The following GPC6 variants were observed in gnomAD, a reference collection of about 807,000 sequenced individuals.
GPC6 encodes the protein glypican-6.
In GPC6, 14 loss-of-function variants were observed where a neutral mutation model predicts 55.2. The ratio of observed to expected loss-of-function variants is 0.25; its 90% CI spans 0.17 to 0.40. GPC6 has a LOEUF of 0.40. GPC6 is among the 10% of genes least tolerant of loss of function. The pLI is 1.00. For synonymous variants in GPC6, 278 were observed against 259.6 expected, an observed-to-expected ratio of 1.07 and a Z score of -0.68; for missense variants, 641 against 708.5, an observed-to-expected ratio of 0.90 and a Z score of 1.08.
At chr13:93,444,644 G>C (rs181501671) in intron 1 of GPC6, among the ~76,000 whole-genome samples, 14 of 152,222 alleles carry the variant, frequency 9.2e-5, no homozygotes, top group Admixed American at 6.5e-4. Context: ...AACATGCCAT[G>C]CATGTAAAGC....
intron 1 of GPC6, among the ~76,000 whole-genome samples, chr13:93,359,121 C>A (rs187627391): frequency 4.5e-4 from 69 of 151,920 alleles, no homozygotes; most frequent in African/African-American, 1.6e-3. Flanking sequence ...TGCGTGCCAC[C>A]ATGCTAGGCT....
At chr13:93,894,348 A>G (rs1875867994) in intron 3 of GPC6, among the ~76,000 whole-genome samples, 1 of 152,196 alleles carries the variant, frequency 6.6e-6, no homozygotes, top group Admixed American at 6.6e-5. Flanking sequence ...ATTAAGGTGT[A>G]TATGGCCTTC....
chr13:94,363,426 A>C (rs1024942271), intron 6 of GPC6, among the ~76,000 whole-genome samples: 1 of 152,204 alleles, frequency 6.6e-6, no homozygotes, highest in Non-Finnish European at 1.5e-5. Flanking sequence ...TTCCTGCTGT[A>C]CTTCGGACAG....
chr13:93,894,631 G>A (rs1460701576), intron 3 of GPC6, among the ~76,000 whole-genome samples: 1 of 152,008 alleles, frequency 6.6e-6, no homozygotes, highest in Admixed American at 6.6e-5. Context: ...AAGTTTGTTT[G>A]GCCATTGACT....
intron 1 of GPC6, among the ~76,000 whole-genome samples, chr13:93,455,645 A>G (rs903780568): frequency 6.6e-6 from 1 of 152,174 alleles, no homozygotes; most frequent in African/African-American, 2.4e-5. Context: ...CATTATCTAA[A>G]AAGCCATGGG....
intron 1 of GPC6, among the ~76,000 whole-genome samples, chr13:93,419,531 A>C (rs1467098768): frequency 1.3e-5 from 2 of 152,100 alleles, no homozygotes; most frequent in African/African-American, 4.8e-5. Flanking sequence ...AAGTGCTTGG[A>C]ATATTATTTG....
intron 4 of GPC6, among the ~76,000 whole-genome samples, chr13:94,049,475 T>C (rs1883858291): frequency 6.6e-6 from 1 of 152,004 alleles, no homozygotes; most frequent in African/African-American, 2.4e-5. Context: ...GTTGAGCAAA[T>C]AAGACTGTGA....
intron 4 of GPC6, among the ~76,000 whole-genome samples, chr13:94,153,309 A>G (rs977549198): frequency 1.3e-5 from 2 of 152,136 alleles, no homozygotes; most frequent in African/African-American, 4.8e-5. Flanking sequence ...CAAAATAAAG[A>G]TCATCACTGT....
At chr13:93,988,234 T>C (rs1399740422) in intron 3 of GPC6, among the ~76,000 whole-genome samples, 1 of 152,096 alleles carries the variant, frequency 6.6e-6, no homozygotes, top group African/African-American at 2.4e-5. Flanking sequence ...AGACTTACAT[T>C]TGGAAAGTTT....
chr13:93,675,648 T>C (rs1594362569), intron 2 of GPC6, among the ~76,000 whole-genome samples: 1 of 152,162 alleles, frequency 6.6e-6, no homozygotes, highest in Non-Finnish European at 1.5e-5. Flanking sequence ...TTCAGACATA[T>C]ATTTACTGCA....
At chr13:93,263,290 C>G (rs1422006682) in intron 1 of GPC6, among the ~76,000 whole-genome samples, 1 of 152,060 alleles carries the variant, frequency 6.6e-6, no homozygotes. Flanking sequence ...TATCTGTTTC[C>G]TTTTGCTAGT....
intron 1 of GPC6, among the ~76,000 whole-genome samples, chr13:93,465,491 T>C (rs1052135966): frequency 7.2e-5 from 11 of 152,232 alleles, no homozygotes; most frequent in African/African-American, 2.2e-4. Flanking sequence ...CGTCTTTGCT[T>C]CAACCATATG....
intron 7 of GPC6, among the ~76,000 whole-genome samples, chr13:94,383,369 G>C (rs1207135062): frequency 6.6e-6 from 1 of 152,146 alleles, no homozygotes; most frequent in African/African-American, 2.4e-5. Flanking sequence ...GCTAAGAGGG[G>C]AGTCTGTTCT....
intron 2 of GPC6, among the ~76,000 whole-genome samples, chr13:93,618,196 A>G (rs1283899187): frequency 6.6e-6 from 1 of 152,108 alleles, no homozygotes; most frequent in African/African-American, 2.4e-5. Context: ...CATGGATCAA[A>G]TATTTTATAT....
rs115957309 is a variant in GPC6 at position 94,300,039 on chromosome 13, T to C, written c.1009-5941T>C. The stretch of plus-strand genomic sequence containing the variant: ...AATCCAGGTAACATTAACTGTTACC[T>C]GGATTTAATATAAAAGATTAGAGCT... On this transcript the variant is annotated intron_variant, in intron 5 of 8. Coordinates refer to ENST00000377047, the MANE Select transcript of GPC6 (RefSeq NM_005708.5). 2.0e-3 allele frequency among the ~76,000 whole-genome samples: 305 copies of C among 152,298 alleles called. 1 individual carries two copies. The highest frequency in any genetic ancestry group is 7.0e-3 in the African/African-American group (290 of 41,558).
At chr13:93,680,066 A>C (rs1329496633) in intron 2 of GPC6, among the ~76,000 whole-genome samples, 1 of 152,180 alleles carries the variant, frequency 6.6e-6, no homozygotes, top group Non-Finnish European at 1.5e-5. Context: ...TTTTCTTAAA[A>C]TTTGTATGTT....
At chr13:93,270,720 CAA>C (rs35973627) in intron 1 of GPC6, among the ~76,000 whole-genome samples, 33,545 of 127,792 alleles carry the variant, frequency 0.26, 3,974 homozygotes, top group South Asian at 0.32. Context: ...TTATTTTCCT[CAA>C]AAAAAAAAAA....
At chr13:94,370,073 C>G (rs1879471100) in intron 6 of GPC6, among the ~76,000 whole-genome samples, 1 of 152,180 alleles carries the variant, frequency 6.6e-6, no homozygotes, top group African/African-American at 2.4e-5. Flanking sequence ...TGTTCTTTAG[C>G]AAATGAGTAG....
Position 93,364,325 on chromosome 13 carries a change from A to G in GPC6, c.160+136709A>G, listed in dbSNP as rs148338098. ...CCACGTGTCATAAGCAGAGCTGAACAGTAAAGTTCATGGAGAATGTATGTT... is the reference window on the plus strand; with the variant it reads ...CCACGTGTCATAAGCAGAGCTGAACGGTAAAGTTCATGGAGAATGTATGTT... On this transcript the variant is annotated intron_variant, in intron 1 of 8. Transcript: ENST00000377047. Among the ~76,000 whole-genome samples, 675 of 152,238 alleles carry G rather than the reference A, an allele frequency of 4.4e-3. 8 individuals are homozygous for G. Among genetic ancestry groups the G allele is most frequent in the African/African-American group, 0.015 (635 of 41,562 alleles).
Sources: gnomAD v4.1 joint callset for allele counts (sites outside exome capture counted in the v4.1 genomes callset) on GRCh38, gnomAD v4.1.1 for gene constraint, MANE v1.5 for transcripts, NCBI Gene and HGNC (gene_info 2026-07-23, HGNC 2026-07-21) for gene names.